The following SAMD5 variants were observed in gnomAD, a reference collection of about 807,000 sequenced individuals.
SAMD5 encodes the protein sterile alpha motif domain-containing protein 5.
SAMD5 carries 13 observed loss-of-function variants against 11.3 expected under a neutral mutation model. The ratio of observed to expected loss-of-function variants is 1.15; its 90% confidence interval spans 0.75 to 1.83. The LOEUF (loss-of-function observed/expected upper bound fraction) is 1.83, where lower values mean the gene tolerates loss of function less well. Ranked by LOEUF, SAMD5 falls within the 40% of genes most tolerant of loss-of-function variation. The pLI is 0.00. For synonymous variants in SAMD5, 129 were observed against 111.3 expected, an observed-to-expected ratio of 1.16 and a Z score of -1.00; for missense variants, 255 against 239.1, an observed-to-expected ratio of 1.07 and a Z score of -0.44.
chr6:147,782,067 G>A, the SAMD5 span, among the ~76,000 whole-genome samples: 1 of 151,344 alleles, frequency 6.6e-6, no homozygotes, highest in South Asian at 2.1e-4. Context: ...TCCAGGAGCT[G>A]ATGGTGCAAT....
the SAMD5 span, among the ~76,000 whole-genome samples, chr6:147,919,578 T>G: frequency 6.6e-6 from 1 of 152,212 alleles, no homozygotes; most frequent in Non-Finnish European, 1.5e-5. Flanking sequence ...CTCTTTCATG[T>G]TAAATACCTG....
rs1168845677 is a variant in SAMD5 at position 147,734,785 on chromosome 6, T to A, written c.163-2532T>A. 5.5e-5 allele frequency among the ~76,000 whole-genome samples: 8 copies of A among 145,444 alleles called. No homozygotes were observed. The East Asian group carries it at 1.6e-3, about 29-fold the overall frequency. ...AAATATCTGGATAATTAAATCCGTA[T>A]TTAAAAGGCACACATAGATACTCAG... On this transcript the variant is annotated intron_variant, in intron 1 of 1. Coordinates refer to the SAMD5 transcript ENST00000566741.
At chr6:147,537,628 C>T (rs1788531111) in intron 1 of SAMD5, among the ~76,000 whole-genome samples, 1 of 151,984 alleles carries the variant, frequency 6.6e-6, no homozygotes, top group Admixed American at 6.5e-5. Context: ...GTGGCGGGCA[C>T]CTGTAGTCCC....
intron 1 of SAMD5, among the ~76,000 whole-genome samples, chr6:147,592,903 T>G (rs1163555668): frequency 3.3e-5 from 5 of 152,178 alleles, no homozygotes; most frequent in Non-Finnish European, 7.4e-5. Context: ...ATTGAGATCT[T>G]GAACCTCCTT....
chr6:147,922,781 TCTACTAAAAAA>T, the SAMD5 span, among the ~76,000 whole-genome samples: 1 of 152,198 alleles, frequency 6.6e-6, no homozygotes, highest in Admixed American at 6.6e-5. Flanking sequence ...AAATTACAAA[TCTACTAAAAAA>T]TCAATACAAC....
chr6:147,936,408 G>A, the SAMD5 span, among the ~76,000 whole-genome samples: 1 of 150,944 alleles, frequency 6.6e-6, no homozygotes, highest in African/African-American at 2.4e-5. Context: ...GGGGGAGCAG[G>A]CACATCACAT....
rs1001937232 is a variant in SAMD5 at position 147,565,616 on chromosome 6, C to A, written c.*1160C>A. On this transcript the variant is annotated 3_prime_UTR_variant, in exon 2 of 2. Coordinates refer to ENST00000367474, the MANE Select transcript of SAMD5 (RefSeq NM_001030060.3). ...GGGATTACAGGCACGCATCACCACA[C>A]CCAGCTAATTTTTTTGTATTTTTAG... The A allele has an allele frequency of 1.4e-5, 6 of 428,452 alleles. No homozygotes were observed. Among genetic ancestry groups the A allele is most frequent in the African/African-American group, 1.3e-4 (6 of 46,314 alleles). 26.5% of individuals were successfully genotyped at this position (428,452 alleles called of 1,614,324 possible).
chr6:147,662,239 G>A (rs1393789576), intron 1 of SAMD5, among the ~76,000 whole-genome samples: 1 of 152,184 alleles, frequency 6.6e-6, no homozygotes, highest in African/African-American at 2.4e-5. Context: ...TGACACAGCT[G>A]AAGTCCATCC....
At chr6:147,656,012 CA>C (rs1311178803) in intron 1 of SAMD5, among the ~76,000 whole-genome samples, 3 of 152,048 alleles carry the variant, frequency 2.0e-5, no homozygotes, top group African/African-American at 7.2e-5. Flanking sequence ...AAAATGTAAA[CA>C]AACACCAGAG....
intron 1 of SAMD5, among the ~76,000 whole-genome samples, chr6:147,672,827 T>G (rs1790812810): frequency 6.6e-6 from 1 of 152,208 alleles, no homozygotes; most frequent in Admixed American, 6.5e-5. Context: ...TTTTGCTCCT[T>G]AAGTTCCTTC....
downstream of SAMD5, among the ~76,000 whole-genome samples, chr6:147,737,841 A>T (rs948415169): frequency 2.6e-5 from 4 of 152,076 alleles, no homozygotes; most frequent in South Asian, 4.1e-4. Flanking sequence ...GTATATACTT[A>T]TGTTTTCTGC....
At chr6:147,861,537 C>A in the SAMD5 span, among the ~76,000 whole-genome samples, 5 of 152,262 alleles carry the variant, frequency 3.3e-5, no homozygotes, top group Non-Finnish European at 7.4e-5. Flanking sequence ...GCCCAAGATA[C>A]CTGCCCGCAC....
intron 1 of SAMD5, among the ~76,000 whole-genome samples, chr6:147,734,017 C>G (rs1414916161): frequency 6.6e-6 from 1 of 152,172 alleles, no homozygotes; most frequent in African/African-American, 2.4e-5. Flanking sequence ...TATCTTAACT[C>G]ATATTCACAA....
intron 1 of SAMD5, among the ~76,000 whole-genome samples, chr6:147,559,894 A>G (rs1033800254): frequency 2.0e-5 from 3 of 152,212 alleles, no homozygotes; most frequent in African/African-American, 7.2e-5. Flanking sequence ...TTCTGGAGCC[A>G]GCCTGAGCCT....
chr6:147,826,133 G>A, the SAMD5 span, among the ~76,000 whole-genome samples: 13 of 152,190 alleles, frequency 8.5e-5, no homozygotes, highest in South Asian at 2.1e-4. Context: ...AATATGCTAC[G>A]AGTCTCTTTT....
At chr6:147,864,984 C>A in the SAMD5 span, among the ~76,000 whole-genome samples, 1 of 152,132 alleles carries the variant, frequency 6.6e-6, no homozygotes, top group East Asian at 1.9e-4. Context: ...CAAGATTCTG[C>A]AAAAATTCTT....
intron 1 of SAMD5, among the ~76,000 whole-genome samples, chr6:147,673,634 T>C (rs1790826377): frequency 6.6e-6 from 1 of 152,210 alleles, no homozygotes; most frequent in Non-Finnish European, 1.5e-5. Context: ...AAAAGCAAGA[T>C]ATAGTAACCT....
the SAMD5 span, among the ~76,000 whole-genome samples, chr6:147,773,553 G>A: frequency 2.0e-5 from 3 of 152,210 alleles, no homozygotes; most frequent in African/African-American, 4.8e-5. Flanking sequence ...TCCGGTATCT[G>A]GTTAGGGCCT....
intron 1 of SAMD5, among the ~76,000 whole-genome samples, chr6:147,563,161 G>T (rs1327549393): frequency 6.6e-6 from 1 of 152,150 alleles, no homozygotes; most frequent in Non-Finnish European, 1.5e-5. Flanking sequence ...CTATTTAGAT[G>T]TGATTGCCTG....
Sources: gnomAD v4.1 joint callset for allele counts (sites outside exome capture counted in the v4.1 genomes callset) on GRCh38, gnomAD v4.1.1 for gene constraint, MANE v1.5 for transcripts, NCBI Gene and HGNC (gene_info 2026-07-23, HGNC 2026-07-21) for gene names.